The following VTI1A variants were observed in gnomAD, a reference collection of about 807,000 sequenced individuals.
VTI1A encodes vesicle transport through interaction with t-SNAREs 1A.
In VTI1A, 22 loss-of-function variants were observed where a neutral mutation model predicts 34.9. The observed-to-expected ratio is 0.63, with a 90% CI of 0.45 to 0.90. The LOEUF is 0.90. Ranked by LOEUF, VTI1A falls within the 40% of genes least tolerant of loss-of-function variation. VTI1A has a pLI of 0.00. For missense variants in VTI1A, 268 were observed against 275.6 expected, an observed-to-expected ratio of 0.97 and a Z score of 0.20; for synonymous variants, 87 against 97.3, an observed-to-expected ratio of 0.89 and a Z score of 0.62.
At chr10:112,657,062 T>G (rs1007613564) in intron 5 of VTI1A, among the ~76,000 whole-genome samples, 1 of 151,768 alleles carries the variant, frequency 6.6e-6, no homozygotes, top group Non-Finnish European at 1.5e-5. Flanking sequence ...GAAAGCTCCC[T>G]GAGGCCTCCC....
chr10:112,478,746 T>G (rs569207559), intron 3 of VTI1A, among the ~76,000 whole-genome samples: 1 of 152,276 alleles, frequency 6.6e-6, no homozygotes, highest in South Asian at 2.1e-4. Flanking sequence ...ATTATTGTAT[T>G]ATATTACTAT....
At chr10:112,655,577 G>A (rs1564869431) in intron 5 of VTI1A, among the ~76,000 whole-genome samples, 1 of 152,136 alleles carries the variant, frequency 6.6e-6, no homozygotes, top group Admixed American at 6.5e-5. Context: ...GGGAGGAAGT[G>A]TGTTGGTGGT....
chr10:112,835,592 T>C, the VTI1A span, among the ~76,000 whole-genome samples: 1 of 152,216 alleles, frequency 6.6e-6, no homozygotes, highest in East Asian at 1.9e-4. Context: ...GAAATGATAC[T>C]GGGACTAATG....
intron 7 of VTI1A, among the ~76,000 whole-genome samples, chr10:112,811,649 A>G (rs1291623845): frequency 7.6e-6 from 1 of 131,816 alleles, no homozygotes; most frequent in East Asian, 2.5e-4. Flanking sequence ...GCGCCACTGC[A>G]CTCCAGCCTG....
chr10:112,505,726 T>C (rs534519345), intron 3 of VTI1A, among the ~76,000 whole-genome samples: 11 of 151,930 alleles, frequency 7.2e-5, no homozygotes, highest in African/African-American at 2.7e-4. Context: ...CAGGCTGGAA[T>C]GCAGTGGTGT....
At chr10:112,496,269 TA>T (rs949874880) in intron 3 of VTI1A, among the ~76,000 whole-genome samples, 1 of 146,004 alleles carries the variant, frequency 6.8e-6, no homozygotes, top group African/African-American at 2.6e-5. Flanking sequence ...GTTGTTGAAG[TA>T]TTTACATATG....
chr10:112,666,349 G>A, intron 5 of VTI1A, among the ~76,000 whole-genome samples: 1 of 152,192 alleles, frequency 6.6e-6, no homozygotes, highest in East Asian at 1.9e-4. Flanking sequence ...TTTTCTATGA[G>A]TTGGATTTTC....
At chr10:112,493,347 A>G (rs964559678) in intron 3 of VTI1A, among the ~76,000 whole-genome samples, 4 of 152,018 alleles carry the variant, frequency 2.6e-5, no homozygotes, top group African/African-American at 9.7e-5. Context: ...TAATATTTCA[A>G]GTAGTTTTCT....
At chr10:112,569,780 A>T (rs1852050346) in intron 5 of VTI1A, among the ~76,000 whole-genome samples, 1 of 152,220 alleles carries the variant, frequency 6.6e-6, no homozygotes, top group Admixed American at 6.5e-5. Flanking sequence ...AATCGACCAG[A>T]TCAGAATCTC....
At chr10:112,709,059 A>T (rs1159917424) in intron 7 of VTI1A, among the ~76,000 whole-genome samples, 1 of 152,066 alleles carries the variant, frequency 6.6e-6, no homozygotes, top group Non-Finnish European at 1.5e-5. Context: ...CGGGAGGGGT[A>T]CGTGTCCCCT....
At chr10:112,491,857 T>A (rs1848835488) in intron 3 of VTI1A, among the ~76,000 whole-genome samples, 1 of 152,180 alleles carries the variant, frequency 6.6e-6, no homozygotes. Context: ...TCCAGGAGCC[T>A]GTTGGGCATA....
At chr10:112,812,368 G>A (rs1017184635) in intron 7 of VTI1A, among the ~76,000 whole-genome samples, 7 of 152,150 alleles carry the variant, frequency 4.6e-5, no homozygotes, top group Non-Finnish European at 8.8e-5. Context: ...AAGTTCCTTC[G>A]CTGCCATCTC....
chr10:112,798,692 G>T (rs731864), intron 7 of VTI1A, among the ~76,000 whole-genome samples: 281 of 152,260 alleles, frequency 1.8e-3, no homozygotes, highest in Non-Finnish European at 3.3e-3. Context: ...CCTCAAGGGT[G>T]CTGGGTTCTC....
intron 7 of VTI1A, among the ~76,000 whole-genome samples, chr10:112,713,319 G>T (rs573746287): frequency 1.3e-4 from 20 of 152,182 alleles, no homozygotes; most frequent in African/African-American, 4.1e-4. Flanking sequence ...GAAGGACCTC[G>T]CATATGATTT....
At chr10:112,533,340 T>A (rs746042282) in intron 4 of VTI1A, among the ~76,000 whole-genome samples, 2 of 152,082 alleles carry the variant, frequency 1.3e-5, no homozygotes, top group Non-Finnish European at 2.9e-5. Flanking sequence ...AAAGTGATCT[T>A]TATTCGTTCA....
chr10:112,789,559 G>A (rs913126146), intron 7 of VTI1A, among the ~76,000 whole-genome samples: 2 of 152,078 alleles, frequency 1.3e-5, no homozygotes, highest in Admixed American at 1.3e-4. Context: ...CACATATGTT[G>A]GTATGCTTGA....
chr10:112,768,444 C>A (rs991499780), intron 7 of VTI1A, among the ~76,000 whole-genome samples: 2 of 152,188 alleles, frequency 1.3e-5, no homozygotes, highest in African/African-American at 4.8e-5. Flanking sequence ...CCTGGAGCAA[C>A]TGCTGCGGTC....
chr10:112,547,758 AT>A (rs1851186961), intron 5 of VTI1A, among the ~76,000 whole-genome samples: 1 of 152,048 alleles, frequency 6.6e-6, no homozygotes, highest in Non-Finnish European at 1.5e-5. Context: ...GATATGGAGT[AT>A]TTTTTCTTTT....
rs138840780 is a variant in VTI1A, at chr10:112,562,301, C to T, written c.427+23971C>T. 1.1e-3 allele frequency among the ~76,000 whole-genome samples: 161 copies of T among 151,912 alleles called. 2 individuals are homozygous for T. Among genetic ancestry groups the T allele is most frequent in the African/African-American group, 3.5e-3 (145 of 41,438 alleles). On this transcript the variant is annotated intron_variant, in intron 5 of 7. Coordinates refer to ENST00000393077, the MANE Select transcript of VTI1A (RefSeq NM_145206.4). ...CTTCCTTTAAGCCTTAATGTTTGTT[C>T]GAGAATTAAAGGGCCACACTCTTCT...
Sources: gnomAD v4.1 joint callset for allele counts (sites outside exome capture counted in the v4.1 genomes callset) on GRCh38, gnomAD v4.1.1 for gene constraint, MANE v1.5 for transcripts, NCBI Gene and HGNC (gene_info 2026-07-23, HGNC 2026-07-21) for gene names.